Variants in AK4 observed in about 807,000 individuals in gnomAD.
AK4 encodes adenylate kinase 4, also known as adenylate kinase 4, mitochondrial.
A neutral mutation model predicts 24.6 loss-of-function variants in AK4; 13 were observed. The ratio of observed to expected loss-of-function variants is 0.53; its 90% CI spans 0.34 to 0.84. AK4 has a LOEUF of 0.84. Ranked by LOEUF, AK4 falls within the 40% of genes least tolerant of loss-of-function variation. The probability of loss-of-function intolerance (pLI) is 0.01; values close to 1 mark genes in which losing one functional copy is unlikely to be tolerated. For missense variants in AK4, 192 were observed against 288.2 expected, an observed-to-expected ratio of 0.67 and a Z score of 2.42; for synonymous variants, 88 against 107.0, an observed-to-expected ratio of 0.82 and a Z score of 1.10.
chr1:65,152,664 G>A (rs894144391), intron 1 of AK4, among the ~76,000 whole-genome samples: 1 of 151,852 alleles, frequency 6.6e-6, no homozygotes, highest in Non-Finnish European at 1.5e-5. Context: ...CTCCCAAAGT[G>A]CTGGGATTAC....
At chr1:65,198,112 T>C (rs1461897820) in intron 2 of AK4, among the ~76,000 whole-genome samples, 1 of 152,250 alleles carries the variant, frequency 6.6e-6, no homozygotes, top group African/African-American at 2.4e-5. Context: ...TATCTTTAAA[T>C]ATTTAGCCGT....
chr1:65,152,346 CTCTCTCTCTCTCTCTATATA>C (rs1225861803), intron 1 of AK4, among the ~76,000 whole-genome samples: 25 of 44,124 alleles, frequency 5.7e-4, no homozygotes, highest in African/African-American at 2.3e-3. Flanking sequence ...CTCTCTCTCT[CTCTCTCTCTCTCTCTATATA>C]TATATATATA....
chr1:65,203,053 T>C (rs756372290), intron 2 of AK4, among the ~76,000 whole-genome samples: 11 of 152,016 alleles, frequency 7.2e-5, no homozygotes, highest in Non-Finnish European at 1.3e-4. Flanking sequence ...TAAAACTTGT[T>C]GTAGAAATGG....
At chr1:65,187,055 C>T (rs573015282) in intron 1 of AK4, among the ~76,000 whole-genome samples, 27 of 152,106 alleles carry the variant, frequency 1.8e-4, no homozygotes, top group African/African-American at 6.5e-4. Flanking sequence ...ACTATGATTC[C>T]ATTTATAAGA....
intron 1 of AK4, among the ~76,000 whole-genome samples, chr1:65,188,310 G>A (rs955862741): frequency 1.3e-5 from 2 of 151,842 alleles, no homozygotes; most frequent in East Asian, 2.0e-4. Context: ...CAGGAGAATC[G>A]CTTGAACCCG....
At chr1:65,193,946 G>T (rs1220836637) in intron 2 of AK4, among the ~76,000 whole-genome samples, 1 of 152,180 alleles carries the variant, frequency 6.6e-6, no homozygotes, top group African/African-American at 2.4e-5. Context: ...ACAAAAATTA[G>T]CCGGGTGTGG....
At chr1:65,156,982 AT>A (rs1289608286) in intron 1 of AK4, among the ~76,000 whole-genome samples, 3 of 152,154 alleles carry the variant, frequency 2.0e-5, no homozygotes, top group African/African-American at 7.2e-5. Context: ...ATTCATCAAA[AT>A]AACAATAATC....
rs564407283 is a variant in AK4, at chr1:65,185,900, C to T, written c.146-4810C>T. 2.6e-5 allele frequency among the ~76,000 whole-genome samples: 4 copies of T among 152,016 alleles called. No homozygotes were observed. The South Asian group carries it at 8.3e-4, about 32-fold the overall frequency. On this transcript the variant is annotated intron_variant, in intron 1 of 4. Coordinates refer to ENST00000327299, the MANE Select transcript of AK4 (RefSeq NM_013410.4). ...AAAGTGCTGGGATTACAGGCGTGAG[C>T]TACTGTGTCTGGCCTAATATGACCA... is the stretch of plus-strand genomic sequence containing the variant.
intron 3 of AK4, among the ~76,000 whole-genome samples, chr1:65,223,007 T>C (rs923294589): frequency 3.3e-5 from 5 of 151,952 alleles, no homozygotes; most frequent in Non-Finnish European, 5.9e-5. Context: ...TTTTTTTTAA[T>C]TATAATTTTT....
rs1356424977 is a variant in AK4 at position 65,227,897 on chromosome 1, T to C, written c.*1720T>C. ...TTGGCTACCTTAGTGGAAATATAGATCAGTTTTCTCCCCATCCATCCTCTC... is the reference window on the plus strand; with the variant it reads ...TTGGCTACCTTAGTGGAAATATAGACCAGTTTTCTCCCCATCCATCCTCTC... On this transcript the variant is annotated 3_prime_UTR_variant, in exon 5 of 5. Coordinates refer to ENST00000327299, the MANE Select transcript of AK4 (RefSeq NM_013410.4). 1 of 142,090 alleles carries C rather than the reference T, an allele frequency of 7.0e-6. No individual in the cohort carries two copies. Among genetic ancestry groups the C allele is most frequent in the Non-Finnish European group, 1.5e-5 (1 of 66,910 alleles). The allele number at this position is 142,090 out of a possible 1,614,324, so 8.8% of individuals were successfully genotyped here.
intron 2 of AK4, among the ~76,000 whole-genome samples, chr1:65,218,095 C>T (rs1195433250): frequency 6.6e-6 from 1 of 152,136 alleles, no homozygotes; most frequent in African/African-American, 2.4e-5. Flanking sequence ...ATGATAGTCA[C>T]CATGCTGTTA....
intron 2 of AK4, among the ~76,000 whole-genome samples, chr1:65,203,380 CTT>C (rs1208912501): frequency 6.6e-6 from 1 of 152,042 alleles, no homozygotes; most frequent in African/African-American, 2.4e-5. Context: ...TACCTTGATA[CTT>C]ACATAGATGT....
chr1:65,211,783 C>G (rs949069796), intron 2 of AK4, among the ~76,000 whole-genome samples: 1 of 152,208 alleles, frequency 6.6e-6, no homozygotes, highest in African/African-American at 2.4e-5. Flanking sequence ...ATTTAGTTTA[C>G]TTCTGGTAGG....
At position 65,230,422 on chromosome 1, in the gene AK4, G is replaced by A. The variant is rs756492178; in HGVS notation, c.*4245G>A. On this transcript the variant is annotated 3_prime_UTR_variant, in exon 5 of 5. Transcript: ENST00000327299. ...ACATTAGCTTTTTGTCCAAAGAGTT[G>A]AAGCCTGCTGGAGGTCTTTGCTCAA... The A allele has an allele frequency of 5.9e-5, 9 of 152,180 alleles. No individual in the cohort carries two copies. Among genetic ancestry groups the A allele is most frequent in the Non-Finnish European group, 1.0e-4 (7 of 68,044 alleles). 9.4% of individuals were successfully genotyped at this position (152,180 alleles called of 1,614,324 possible). A position where few individuals can be genotyped will look rare whatever the true frequency, so the allele number is the denominator to read the frequency against.
intron 1 of AK4, among the ~76,000 whole-genome samples, chr1:65,164,212 A>T (rs984261802): frequency 6.6e-6 from 1 of 152,186 alleles, no homozygotes; most frequent in Non-Finnish European, 1.5e-5. Context: ...CATGTACTGA[A>T]TTCCCTCCCA....
chr1:65,174,486 C>T (rs1187455245), intron 1 of AK4, among the ~76,000 whole-genome samples: 1 of 152,030 alleles, frequency 6.6e-6, no homozygotes, highest in Non-Finnish European at 1.5e-5. Flanking sequence ...AATTTGCCTT[C>T]TTTTTTCTTT....
Position 65,174,555 on chromosome 1 carries a change from G to A in AK4, c.146-16155G>A, listed in dbSNP as rs187138144. ...ATACTGTTGGGATCCTTTGCTCCCT[G>A]AGCCTTTGTTTAAGTCACTGAGCTC... On this transcript the variant is annotated intron_variant, in intron 1 of 4. Transcript: ENST00000327299. Among the ~76,000 whole-genome samples the A allele has an allele frequency of 3.1e-4, 47 of 152,210 alleles. 1 individual carries two copies. Among genetic ancestry groups the A allele is most frequent in the African/African-American group, 1.1e-3 (44 of 41,536 alleles).
intron 1 of AK4, among the ~76,000 whole-genome samples, chr1:65,189,771 G>A (rs1651233697): frequency 6.6e-6 from 1 of 151,730 alleles, no homozygotes. Flanking sequence ...GGAAATTAAT[G>A]TTTTAAATGA....
intron 2 of AK4, among the ~76,000 whole-genome samples, chr1:65,196,347 G>C (rs563374920): frequency 6.6e-6 from 1 of 152,132 alleles, no homozygotes; most frequent in African/African-American, 2.4e-5. Flanking sequence ...AAGTGGGGAT[G>C]TGGGGAGGGG....
Sources: allele counts gnomAD v4.1 joint callset (sites outside exome capture counted in the v4.1 genomes callset), GRCh38; gene constraint gnomAD v4.1.1; transcripts MANE v1.5; gene names NCBI Gene and HGNC (gene_info 2026-07-23, HGNC 2026-07-21).